KLRG1: variants seen among roughly 807,000 people sequenced by gnomAD.
KLRG1 encodes killer cell lectin like receptor G1.
In KLRG1, 16 loss-of-function variants were observed where a neutral mutation model predicts 21.8. The ratio of observed to expected loss-of-function variants is 0.73; its 90% CI spans 0.50 to 1.11. The LOEUF (loss-of-function observed/expected upper bound fraction) is 1.11, where lower values mean the gene tolerates loss of function less well. Ranked by LOEUF, KLRG1 falls within the 50% of genes most tolerant of loss-of-function variation. The pLI is 0.00. For synonymous variants in KLRG1, 69 were observed against 75.9 expected (o/e 0.91, Z 0.47); for missense variants, 173 against 218.3 (o/e 0.79, Z 1.31).
At chr12:9,008,251 A>T (rs1175031317) in intron 3 of KLRG1, among the ~76,000 whole-genome samples, 1 of 152,222 alleles carries the variant, frequency 6.6e-6, no homozygotes, top group Non-Finnish European at 1.5e-5. Flanking sequence ...TTCTGCAGCA[A>T]ATGTTTAGCT....
intron 1 of KLRG1, among the ~76,000 whole-genome samples, chr12:8,977,370 A>AT (rs1229287155): frequency 0.33 from 41,665 of 126,896 alleles, 7,401 homozygotes; most frequent in Non-Finnish European, 0.41. Context: ...TGCCTGGCTA[A>AT]TTTTTTTTTT....
chr12:9,074,087 T>TA, the KLRG1 span, among the ~76,000 whole-genome samples: 27,569 of 131,106 alleles, frequency 0.21, 2,995 homozygotes, highest in Non-Finnish European at 0.24. Flanking sequence ...GACTCTGTCT[T>TA]AAAAAAAAAA....
chr12:9,168,667 G>A, the KLRG1 span: 2 of 493,622 alleles, frequency 4.1e-6, no homozygotes. Context: ...GTGCCCTGAA[G>A]TATCGGATGT....
At chr12:9,091,041 G>A in the KLRG1 span, among the ~76,000 whole-genome samples, 1 of 152,042 alleles carries the variant, frequency 6.6e-6, no homozygotes, top group Admixed American at 6.5e-5. Flanking sequence ...TTGCTTTATG[G>A]TGCAATTTGG....
the KLRG1 span, among the ~76,000 whole-genome samples, chr12:9,212,300 C>T: frequency 6.6e-6 from 1 of 152,284 alleles, no homozygotes; most frequent in African/African-American, 2.4e-5. Context: ...TTAAGATCCA[C>T]AGTGGGACCA....
the KLRG1 span, chr12:9,070,404 T>C: frequency 4.5e-6 from 4 of 882,056 alleles, no homozygotes; most frequent in Admixed American, 8.7e-5. Context: ...ACTTTAATAG[T>C]ATTTTGATAT....
At chr12:9,150,500 A>G in the KLRG1 span, 2 of 565,044 alleles carry the variant, frequency 3.5e-6, no homozygotes, top group South Asian at 2.2e-5. Context: ...GCCAGACTGT[A>G]GTAAGTCGTT....
chr12:9,214,145 G>A, the KLRG1 span, among the ~76,000 whole-genome samples: 1 of 151,886 alleles, frequency 6.6e-6, no homozygotes, highest in East Asian at 1.9e-4. Context: ...GACCAAAAAT[G>A]TGTGGATTTA....
At chr12:9,126,834 C>G in the KLRG1 span, among the ~76,000 whole-genome samples, 316 of 152,304 alleles carry the variant, frequency 2.1e-3, 1 homozygote, top group African/African-American at 7.3e-3. Flanking sequence ...CTTTTACTCA[C>G]CTGTCCATTT....
At chr12:9,211,547 C>G in the KLRG1 span, among the ~76,000 whole-genome samples, 1 of 152,092 alleles carries the variant, frequency 6.6e-6, no homozygotes, top group Non-Finnish European at 1.5e-5. Flanking sequence ...TACTGAGCAT[C>G]TTTAAGATGA....
intron 1 of KLRG1, among the ~76,000 whole-genome samples, chr12:8,955,044 G>T (rs61605562): frequency 0.018 from 2,674 of 151,896 alleles, 74 homozygotes; most frequent in African/African-American, 0.06. Flanking sequence ...AGCCTCCCGA[G>T]TAGCTGGAAC....
At chr12:9,190,814 A>AG in the KLRG1 span, among the ~76,000 whole-genome samples, 1 of 152,198 alleles carries the variant, frequency 6.6e-6, no homozygotes, top group Non-Finnish European at 1.5e-5. Context: ...GACAGTATGA[A>AG]GAATAGTGTG....
the KLRG1 span, chr12:9,157,226 T>C: frequency 6.2e-7 from 1 of 1,614,050 alleles, no homozygotes; most frequent in South Asian, 1.1e-5. Flanking sequence ...CTATTCTGAT[T>C]TTGCTTTCCC....
chr12:9,209,320 T>G, the KLRG1 span, among the ~76,000 whole-genome samples: 1 of 152,248 alleles, frequency 6.6e-6, no homozygotes, highest in African/African-American at 2.4e-5. Context: ...AGCAAATTCC[T>G]GGCCACACTG....
chr12:9,201,409 C>T, the KLRG1 span: 1 of 1,334,600 alleles, frequency 7.5e-7, no homozygotes, highest in Admixed American at 2.1e-5. Flanking sequence ...CAATTTCAGA[C>T]TTGTGATCAA....
chr12:9,062,752 ATT>A, the KLRG1 span, among the ~76,000 whole-genome samples: 1 of 148,024 alleles, frequency 6.8e-6, no homozygotes, highest in East Asian at 1.9e-4. Context: ...TTTATAATAT[ATT>A]GTTATATGTT....
the KLRG1 span, among the ~76,000 whole-genome samples, chr12:9,211,123 G>A: frequency 3.3e-5 from 5 of 152,078 alleles, no homozygotes; most frequent in Admixed American, 2.0e-4. Context: ...GAGGATTTTC[G>A]TATCCCCATA....
At chr12:9,072,742 T>G in the KLRG1 span, 1 of 1,614,194 alleles carries the variant, frequency 6.2e-7, no homozygotes, top group Non-Finnish European at 8.5e-7. Context: ...AACAGGCGGT[T>G]GTTGTTGTCC....
rs764025444 is a variant in KLRG1 at position 8,989,743 on chromosome 12, G to A, written c.82+26G>A. ...GTGAGTTAACCAAGGTAGCATGGAA[G>A]ACGATGCATAGCAACAGTAGGCTAT... On this transcript the variant is annotated intron_variant, in intron 1 of 4. Coordinates refer to ENST00000356986, the MANE Select transcript of KLRG1 (RefSeq NM_005810.4). The A allele has an allele frequency of 7.7e-5, 105 of 1,358,562 alleles. 1 individual carries two copies. In the Admixed American group the frequency reaches 1.8e-3, roughly 24 times the overall value. 84.2% of individuals were successfully genotyped at this position (1,358,562 alleles called of 1,614,324 possible).
Sources: allele counts gnomAD v4.1 joint callset (sites outside exome capture counted in the v4.1 genomes callset), GRCh38; gene constraint gnomAD v4.1.1; transcripts MANE v1.5; gene names NCBI Gene and HGNC (gene_info 2026-07-23, HGNC 2026-07-21).